The following PKIB variants were observed in gnomAD, a reference collection of about 807,000 sequenced individuals.
PKIB encodes cAMP-dependent protein kinase inhibitor beta.
A neutral mutation model predicts 4.5 loss-of-function variants in PKIB; 2 were observed. The ratio of observed to expected loss-of-function variants is 0.44; its 90% CI spans 0.18 to 1.39. The LOEUF (loss-of-function observed/expected upper bound fraction) is 1.39, where lower values mean the gene tolerates loss of function less well. Among genes scored for constraint, PKIB ranks in the 40% most tolerant of loss-of-function variants. The pLI, the probability that PKIB is intolerant of heterozygous loss-of-function variation, is 0.27. For synonymous variants in PKIB, 38 were observed against 36.0 expected, an observed-to-expected ratio of 1.06 and a Z score of -0.20; for missense variants, 94 against 92.6, an observed-to-expected ratio of 1.02 and a Z score of -0.06.
chr6:122,476,980 G>A lies in PKIB; in HGVS notation c.-336-871G>A, dbSNP rs373209667. 3.8e-4 allele frequency among the ~76,000 whole-genome samples: 58 copies of A among 152,214 alleles called. No individual in the cohort carries two copies. In the South Asian group the frequency reaches 8.9e-3, roughly 23 times the overall value. The stretch of plus-strand genomic sequence containing the variant: ...ACGTCTAAATCAGCACCTTCCAATA[G>A]AAATGAAATGTGAATCACATTTGTA... On this transcript the variant is annotated intron_variant, in intron 1 of 6. Coordinates refer to the PKIB transcript ENST00000392491.
chr6:122,506,825 G>A (rs373087256), intron 2 of PKIB, among the ~76,000 whole-genome samples: 3,501 of 146,860 alleles, frequency 0.024, 48 homozygotes, highest in Non-Finnish European at 0.031. Context: ...TCAGCCTCCC[G>A]AGTAGCTGGG....
chr6:122,651,425 G>T (rs1167747932), intron 2 of PKIB, among the ~76,000 whole-genome samples: 1 of 152,124 alleles, frequency 6.6e-6, no homozygotes, highest in Non-Finnish European at 1.5e-5. Context: ...GTTCTGAGGA[G>T]AATCAACAGG....
chr6:122,655,544 T>C (rs1264174978), intron 2 of PKIB, among the ~76,000 whole-genome samples: 2 of 152,164 alleles, frequency 1.3e-5, no homozygotes, highest in Non-Finnish European at 2.9e-5. Flanking sequence ...CTTCTCAGCC[T>C]CCAGAACTGT....
intron 4 of PKIB, among the ~76,000 whole-genome samples, chr6:122,722,028 T>C (rs1779765122): frequency 6.6e-6 from 1 of 152,136 alleles, no homozygotes; most frequent in Admixed American, 6.5e-5. Flanking sequence ...AGAAATTATG[T>C]TGGAAGAATA....
intron 2 of PKIB, among the ~76,000 whole-genome samples, chr6:122,648,326 G>C (rs530352614): frequency 6.6e-6 from 1 of 152,294 alleles, no homozygotes; most frequent in East Asian, 1.9e-4. Context: ...TTCACCCCTT[G>C]ATTGTTGGAT....
chr6:122,611,035 T>C (rs1416386912), intron 1 of PKIB, among the ~76,000 whole-genome samples: 1 of 152,232 alleles, frequency 6.6e-6, no homozygotes, highest in African/African-American at 2.4e-5. Flanking sequence ...CTCACTGGCC[T>C]CCGTCCATTC....
At position 122,615,032 on chromosome 6, in the gene PKIB, T is replaced by A. The variant is rs78718818; in HGVS notation, c.-161+4497T>A. Among the ~76,000 whole-genome samples, 252 of 152,212 alleles carry A rather than the reference T, an allele frequency of 1.7e-3. 3 individuals carry two copies. In the East Asian group the frequency reaches 0.033, roughly 20 times the overall value. On this transcript the variant is annotated intron_variant, in intron 1 of 4. Transcript: ENST00000368452. ...CAGATTATAGGTATGGTGGATTTTG[T>A]TACACTCCAAGGGTTTGCAAAAAGT...
chr6:122,586,217 G>A (rs1359602568), intron 3 of PKIB: 1 of 152,128 alleles, frequency 6.6e-6, no homozygotes, highest in African/African-American at 2.4e-5. Flanking sequence ...TAAATTGAAA[G>A]TAAACTGTGA....
At chr6:122,718,039 T>C (rs1216643901) in intron 4 of PKIB, 76 bp downstream of exon 4, 6 of 1,444,330 alleles carry the variant, frequency 4.2e-6, no homozygotes, top group Non-Finnish European at 5.6e-6. Context: ...ACAGTCTTTC[T>C]TTTATCTAGT....
intron 2 of PKIB, among the ~76,000 whole-genome samples, chr6:122,526,876 G>C: frequency 6.6e-6 from 1 of 152,086 alleles, no homozygotes. Flanking sequence ...TTTCTCCTTA[G>C]CTCTGAAAGT....
chr6:122,518,648 G>A (rs1407770749), intron 2 of PKIB, among the ~76,000 whole-genome samples: 1 of 151,946 alleles, frequency 6.6e-6, no homozygotes, highest in African/African-American at 2.4e-5. Flanking sequence ...TGGCACATGG[G>A]AGAGGAGGAG....
chr6:122,545,114 T>G (rs776645026), intron 2 of PKIB, among the ~76,000 whole-genome samples: 3 of 152,030 alleles, frequency 2.0e-5, no homozygotes, highest in Non-Finnish European at 4.4e-5. Context: ...AGAATTAACA[T>G]TTAACCCAAG....
intron 2 of PKIB, among the ~76,000 whole-genome samples, chr6:122,557,916 C>T (rs887733689): frequency 2.0e-5 from 3 of 152,134 alleles, no homozygotes; most frequent in South Asian, 2.1e-4. Flanking sequence ...TCCCTTACCC[C>T]GTTGCACTTA....
At chr6:122,576,637 C>G (rs547959992) in intron 2 of PKIB, among the ~76,000 whole-genome samples, 1 of 122,892 alleles carries the variant, frequency 8.1e-6, no homozygotes, top group African/African-American at 3.2e-5. Context: ...CCACTACACT[C>G]CAGCCTGAGC....
intron 2 of PKIB, among the ~76,000 whole-genome samples, chr6:122,577,225 G>A (rs1388418341): frequency 2.0e-5 from 3 of 152,132 alleles, no homozygotes; most frequent in African/African-American, 7.2e-5. Flanking sequence ...CAAATCAGAA[G>A]TTCTAGAGAA....
chr6:122,508,851 C>T (rs894380682), intron 2 of PKIB, among the ~76,000 whole-genome samples: 6 of 152,034 alleles, frequency 3.9e-5, no homozygotes, highest in Admixed American at 2.0e-4. Flanking sequence ...CCTGGGTTCA[C>T]GCCATTCTCC....
At chr6:122,627,156 C>T (rs1411210499) in intron 1 of PKIB, among the ~76,000 whole-genome samples, 5 of 150,298 alleles carry the variant, frequency 3.3e-5, no homozygotes, top group African/African-American at 1.2e-4. Flanking sequence ...GGCAGGAAAA[C>T]GGCGTAAACC....
In PKIB at chr6:122,630,091, A is replaced by T. The variant is rs1048803799; in HGVS notation, c.-160-3192A>T. ...TAAGAACTTTCTGTACTATCTTCAA[A>T]TTTTTTTTTGTAAATCAAAACTATT... is the stretch of plus-strand genomic sequence containing the variant. On this transcript the variant is annotated intron_variant, in intron 1 of 4. Coordinates refer to ENST00000368452, the MANE Select transcript of PKIB (RefSeq NM_181795.3). Among the ~76,000 whole-genome samples, 7 of 151,700 alleles carry T rather than the reference A, an allele frequency of 4.6e-5. No homozygotes were observed. The Middle Eastern group carries it at 0.01, about 221-fold the overall frequency.
chr6:122,490,809 A>G (rs1182510641), intron 2 of PKIB, among the ~76,000 whole-genome samples: 4 of 152,216 alleles, frequency 2.6e-5, no homozygotes, highest in South Asian at 2.1e-4. Flanking sequence ...GCCTAATACA[A>G]GTAGGCAGAG....
Sources: allele counts gnomAD v4.1 joint callset (sites outside exome capture counted in the v4.1 genomes callset), GRCh38; gene constraint gnomAD v4.1.1; transcripts MANE v1.5; gene names NCBI Gene and HGNC (gene_info 2026-07-23, HGNC 2026-07-21).